Variants in NKAIN4 observed in about 807,000 individuals in gnomAD.
NKAIN4 encodes sodium/potassium-transporting ATPase subunit beta-1-interacting protein 4.
Under a neutral mutation model 28.8 loss-of-function variants are expected in NKAIN4, and 28 were observed. That is an observed-to-expected ratio of 0.97 (90% confidence interval 0.72 to 1.33). The LOEUF is 1.33. NKAIN4 is among the 40% of genes most tolerant of loss of function. NKAIN4 has a pLI of 0.00. For missense variants in NKAIN4, 289 were observed against 277.2 expected (o/e 1.04, Z -0.30); for synonymous variants, 122 against 115.6 (o/e 1.06, Z -0.36).
In NKAIN4 at chr20:63,247,339, A is replaced by G. The variant is rs2066877549; in HGVS notation, c.471+239T>C. 3 of 1,473,124 alleles carry G rather than the reference A, an allele frequency of 2.0e-6. No individual in the cohort carries two copies. The African/African-American group carries it at 4.2e-5, about 21-fold the overall frequency. 91.3% of individuals were successfully genotyped at this position (1,473,124 alleles called of 1,614,324 possible). A position where few individuals can be genotyped will look rare whatever the true frequency, so the allele number is the denominator to read the frequency against. Reference sequence around the variant, plus strand: ...CAGCAAACACCACGCTCAACTTGAGAAAGCGCCTGGGTTGGCCCCGCCTGG... The same window carrying G: ...CAGCAAACACCACGCTCAACTTGAGGAAGCGCCTGGGTTGGCCCCGCCTGG... On this transcript the variant is annotated intron_variant, in intron 4 of 6. Transcript: ENST00000370316.
At chr20:63,248,741 C>G (rs1224103852) in intron 3 of NKAIN4, 74 bp downstream of exon 3, 1 of 953,934 alleles carries the variant, frequency 1.0e-6, no homozygotes, top group African/African-American at 1.6e-5. Context: ...GAAAAGCAAA[C>G]ACAGGGGGTG....
intron 2 of NKAIN4, among the ~76,000 whole-genome samples, 193 bp downstream of exon 2, chr20:63,249,742 G>A (rs566012822): frequency 6.6e-6 from 1 of 152,242 alleles, no homozygotes; most frequent in Admixed American, 6.5e-5. Context: ...AAGCAGCCTC[G>A]GAAAAGCCCC....
rs181345093 is a variant in NKAIN4 at position 63,253,752 on chromosome 20, C to T, written c.54+645G>A. 2.6e-3 allele frequency among the ~76,000 whole-genome samples: 394 copies of T among 152,274 alleles called. 1 individual carries two copies. Among genetic ancestry groups the T allele is most frequent in the Non-Finnish European group, 4.8e-3 (325 of 68,006 alleles). ...TGGCCGAGGGAGCCCCGACCAATCC[C>T]GACACCGAAGACGCCCGCGCTGCGC... is the stretch of plus-strand genomic sequence containing the variant. On this transcript the variant is annotated intron_variant, in intron 1 of 6. Transcript: ENST00000370316.
At chr20:63,243,699 C>T (rs573901587) in intron 5 of NKAIN4, among the ~76,000 whole-genome samples, 48 of 152,332 alleles carry the variant, frequency 3.2e-4, no homozygotes, top group Admixed American at 2.1e-3. Flanking sequence ...GAGGCTGCAG[C>T]GGCCTGGACC....
At chr20:63,242,898 G>A (rs1392392482) in intron 5 of NKAIN4, among the ~76,000 whole-genome samples, 5 of 150,860 alleles carry the variant, frequency 3.3e-5, no homozygotes, top group East Asian at 2.0e-4. Context: ...CTGGGGGGAC[G>A]GCAGGGGTAG....
chr20:63,246,301 C>G (rs1405267490), intron 4 of NKAIN4, among the ~76,000 whole-genome samples: 1 of 134,836 alleles, frequency 7.4e-6, no homozygotes, highest in Non-Finnish European at 1.8e-5. Flanking sequence ...GAAATTGGCT[C>G]TTTCTCCTCC....
In NKAIN4 at chr20:63,253,471, A is replaced by G. The variant is rs78733037; in HGVS notation, c.54+926T>C. On this transcript the variant is annotated intron_variant, in intron 1 of 6. Transcript: ENST00000370316. ...GTTTCGCTGCTCAAAACTCTGAAAC[A>G]GCCCCTTCTGGCCCTTCTAGCTTCA... 1.1e-3 allele frequency: 1,084 copies of G among 985,558 alleles called. 9 individuals are homozygous for G. The African/African-American group carries it at 0.018, about 16-fold the overall frequency. The allele number at this position is 985,558 out of a possible 1,614,324, so 61.1% of individuals were successfully genotyped here. A position where few individuals can be genotyped will look rare whatever the true frequency, so the allele number is the denominator to read the frequency against.
At chr20:63,244,341 A>C in intron 4 of NKAIN4, 2 of 562,428 alleles carry the variant, frequency 3.6e-6, no homozygotes, top group Middle Eastern at 4.8e-4. Flanking sequence ...AGGATAATGG[A>C]TATTGGGTGG....
chr20:63,246,706 G>C (rs759912125), intron 4 of NKAIN4: 95 of 970,458 alleles, frequency 9.8e-5, no homozygotes, highest in Non-Finnish European at 1.1e-4. Context: ...TTCCTCCAGC[G>C]ACGGCACCAG....
rs1164324805 is a variant in NKAIN4 at position 63,247,770 on chromosome 20, G to A, written c.279C>T (p.Ser93=). ...YLEVGGLLKD[S]ELLTFSLSRH... is the part of the protein sequence containing the mutation. ...GGGAGAGGCTGAAGGTCAGTAGCTC[G>A]CTGTCCTAGGGGAGAGGTGCAGGAG... Residue 93 remains serine, a synonymous_variant, in exon 4 of 7, where the codon AGC becomes AGT. Transcript: ENST00000370316. 8.9e-6 allele frequency: 13 copies of A among 1,460,270 alleles called. No homozygotes were observed. The highest frequency in any genetic ancestry group is 5.1e-5 in the Admixed American group (2 of 39,264). 90.5% of individuals were successfully genotyped at this position (1,460,270 alleles called of 1,614,324 possible). A position where few individuals can be genotyped will look rare whatever the true frequency, so the allele number is the denominator to read the frequency against.
chr20:63,250,838 G>A (rs115535877), intron 1 of NKAIN4, among the ~76,000 whole-genome samples: 6,965 of 152,044 alleles, frequency 0.046, 329 homozygotes, highest in African/African-American at 0.12. Context: ...TCCTTCCCAC[G>A]TGCTGGTGAA....
intron 4 of NKAIN4, chr20:63,247,111 C>CG: frequency 1.9e-6 from 2 of 1,044,182 alleles, no homozygotes; most frequent in South Asian, 3.2e-5. Flanking sequence ...CGCCAGGGTT[C>CG]CCGACAAGGC....
chr20:63,247,111 C>T, intron 4 of NKAIN4: 1 of 1,044,186 alleles, frequency 9.6e-7, no homozygotes, highest in South Asian at 3.2e-5. Context: ...CGCCAGGGTT[C>T]CCGACAAGGC....
intron 1 of NKAIN4, chr20:63,253,357 A>G (rs2123139170): frequency 2.0e-6 from 2 of 985,262 alleles, no homozygotes; most frequent in Non-Finnish European, 2.4e-6. Flanking sequence ...GAAGGACACG[A>G]TGCCTCCGCC....
Position 63,244,027 on chromosome 20 carries a change from T to A in NKAIN4, c.529A>T (p.Ser177Cys). The change falls in exon 5 of 7, where the codon AGC (serine) becomes TGC (cysteine). Residue 177 changes from serine to cysteine, a missense_variant. Ser to Cys is a moderately radical substitution (Grantham distance 112). Coordinates refer to ENST00000370316, the MANE Select transcript of NKAIN4 (RefSeq NM_152864.4). The part of the protein sequence containing the change: ...VVSVFTEEED[S>C]FDFIGGFDPF... ...CCTGCAGAGGCCCCATACTCACAGC[T>A]GTCCTCTTCCTCCGTAAACACGCTG... 1.9e-6 allele frequency: 3 copies of A among 1,613,008 alleles called. No individual in the cohort carries two copies. The highest frequency in any genetic ancestry group is 2.2e-5 in the East Asian group (1 of 44,886).
intron 4 of NKAIN4, chr20:63,247,312 C>T (rs1210735296): frequency 7.1e-7 from 1 of 1,416,902 alleles, no homozygotes; most frequent in South Asian, 1.4e-5. Context: ...TCCCACTCCC[C>T]ACAGCAAACA....
At chr20:63,243,918 C>G (rs1226341646) in intron 5 of NKAIN4, 106 bp downstream of exon 5, 12 of 929,774 alleles carry the variant, frequency 1.3e-5, no homozygotes, top group South Asian at 9.3e-5. Context: ...CGTGAGGTCC[C>G]TTCCAAGTGG....
chr20:63,246,023 G>C (rs185575266), intron 4 of NKAIN4, among the ~76,000 whole-genome samples: 7 of 152,024 alleles, frequency 4.6e-5, no homozygotes, highest in African/African-American at 1.7e-4. Flanking sequence ...TGCCTCCCGG[G>C]TTCATGCCAT....
rs994307455 is a variant in NKAIN4, at chr20:63,242,577, A to G, written c.579T>C (p.Asn193=). The stretch of plus-strand genomic sequence containing the variant: ...TGGACAAGAGACTGGATGGCTTTTC[A>G]TTGACATGGTAGAGAGGAAATGGAT... The part of the protein sequence containing the change: ...GFDPFPLYHV[N]EKPSSLLSKQ... The change falls in exon 6 of 7, where the codon AAT becomes AAC. Residue 193 remains asparagine (N), a synonymous_variant. Coordinates refer to ENST00000370316, the MANE Select transcript of NKAIN4 (RefSeq NM_152864.4). The G allele has an allele frequency of 1.2e-6, 2 of 1,613,706 alleles. No homozygotes were observed. The highest frequency in any genetic ancestry group is 8.5e-7 in the Non-Finnish European group (1 of 1,179,760).
Sources: gnomAD v4.1 joint callset for allele counts (sites outside exome capture counted in the v4.1 genomes callset) on GRCh38, gnomAD v4.1.1 for gene constraint, MANE v1.5 for transcripts, NCBI Gene and HGNC (gene_info 2026-07-23, HGNC 2026-07-21) for gene names.